Variants in WDFY2 observed in about 807,000 individuals in gnomAD.
WDFY2 encodes the protein WD repeat and FYVE domain containing 2.
In WDFY2, 36 loss-of-function variants were observed where a neutral mutation model predicts 56.4. The ratio of observed to expected loss-of-function variants is 0.64; its 90% CI spans 0.49 to 0.84. The LOEUF is 0.84. WDFY2 is among the 40% of genes least tolerant of loss of function. The pLI is 0.00. For synonymous variants in WDFY2, 176 were observed against 183.7 expected (o/e 0.96, Z 0.34); for missense variants, 444 against 512.2 (o/e 0.87, Z 1.29).
intron 3 of WDFY2, among the ~76,000 whole-genome samples, chr13:51,698,154 A>G (rs1951914945): frequency 6.6e-6 from 1 of 152,204 alleles, no homozygotes; most frequent in South Asian, 2.1e-4. Context: ...CCAGTGCCCA[A>G]GCTCTTAAGC....
intron 5 of WDFY2, among the ~76,000 whole-genome samples, 154 bp from the exon 6 acceptor site, chr13:51,727,524 C>A (rs1362234792): frequency 6.6e-6 from 1 of 152,188 alleles, no homozygotes; most frequent in African/African-American, 2.4e-5. Context: ...GTATGTCCTT[C>A]ATTTAGTTAA....
In WDFY2 at chr13:51,761,093, T is replaced by C. The variant is rs994381804; in HGVS notation, c.*1324T>C. ...ATTCTATCCCTTTAAAAACTAGATA[T>C]TTAAACATTTTATCCTAATGTGTTT... On this transcript the variant is annotated 3_prime_UTR_variant, in exon 12 of 12. Coordinates refer to ENST00000298125, the MANE Select transcript of WDFY2 (RefSeq NM_052950.4). The C allele has an allele frequency of 6.6e-6, 1 of 152,240 alleles. No homozygotes were observed. The highest frequency in any genetic ancestry group is 2.4e-5 in the African/African-American group (1 of 41,466). The allele number at this position is 152,240 out of a possible 1,614,324, so 9.4% of individuals were successfully genotyped here.
chr13:51,710,609 T>C (rs1334219358), intron 4 of WDFY2, among the ~76,000 whole-genome samples: 1 of 152,130 alleles, frequency 6.6e-6, no homozygotes, highest in Non-Finnish European at 1.5e-5. Context: ...ACAAAATAAA[T>C]GTGCAAAAAT....
chr13:51,629,943 C>T (rs1027338703), intron 1 of WDFY2, among the ~76,000 whole-genome samples: 22 of 151,420 alleles, frequency 1.5e-4, no homozygotes, highest in African/African-American at 5.1e-4. Flanking sequence ...TTGGAGCAAC[C>T]ACTAATGTTA....
At chr13:51,703,013 C>T (rs1952016002) in intron 3 of WDFY2, among the ~76,000 whole-genome samples, 1 of 152,224 alleles carries the variant, frequency 6.6e-6, no homozygotes, top group Non-Finnish European at 1.5e-5. Context: ...CTGATTTTTT[C>T]AGTAAATTTG....
At chr13:51,647,596 A>T (rs1955285146) in intron 1 of WDFY2, among the ~76,000 whole-genome samples, 1 of 152,072 alleles carries the variant, frequency 6.6e-6, no homozygotes, top group Non-Finnish European at 1.5e-5. Context: ...TCTCTATAAA[A>T]TTTTTTAAAA....
At chr13:51,601,234 GC>G (rs1328479497) in intron 1 of WDFY2, among the ~76,000 whole-genome samples, 1 of 152,100 alleles carries the variant, frequency 6.6e-6, no homozygotes, top group Non-Finnish European at 1.5e-5. Flanking sequence ...AGACTGCCAA[GC>G]ATATATGGGC....
At chr13:51,731,628 G>A (rs1274124716) in intron 6 of WDFY2, among the ~76,000 whole-genome samples, 1 of 152,210 alleles carries the variant, frequency 6.6e-6, no homozygotes, top group Non-Finnish European at 1.5e-5. Flanking sequence ...CTTTAAGAGA[G>A]TCCATGGTGA....
intron 4 of WDFY2, among the ~76,000 whole-genome samples, chr13:51,705,052 T>A (rs1952055115): frequency 6.6e-6 from 1 of 152,236 alleles, no homozygotes; most frequent in Admixed American, 6.5e-5. Flanking sequence ...TCTGTGCTTT[T>A]GTGTGCTTGC....
chr13:51,715,624 A>T (rs1005252630), intron 4 of WDFY2, among the ~76,000 whole-genome samples: 1 of 152,202 alleles, frequency 6.6e-6, no homozygotes, highest in Admixed American at 6.5e-5. Context: ...AAATATATAT[A>T]TAAATAGAAG....
intron 3 of WDFY2, among the ~76,000 whole-genome samples, chr13:51,686,638 C>T (rs1281960833): frequency 6.6e-6 from 1 of 151,804 alleles, no homozygotes; most frequent in African/African-American, 2.4e-5. Context: ...ATGTTCAGGA[C>T]TGAAAATATA....
chr13:51,613,547 C>T (rs569287198), intron 1 of WDFY2, among the ~76,000 whole-genome samples: 126 of 152,230 alleles, frequency 8.3e-4, no homozygotes, highest in Middle Eastern at 6.8e-3. Flanking sequence ...GTGGGTCTTT[C>T]CCTGGGCACA....
At chr13:51,597,199 T>G (rs570135613) in intron 1 of WDFY2, among the ~76,000 whole-genome samples, 58 of 152,250 alleles carry the variant, frequency 3.8e-4, no homozygotes, top group Non-Finnish European at 8.1e-4. Context: ...CTGTATACTA[T>G]ATACCAAGTT....
chr13:51,624,748 G>C (rs1292140616), intron 1 of WDFY2, among the ~76,000 whole-genome samples: 5 of 152,218 alleles, frequency 3.3e-5, no homozygotes, highest in African/African-American at 1.2e-4. Flanking sequence ...ACTTCTCACA[G>C]AGGCAACATC....
intron 3 of WDFY2, among the ~76,000 whole-genome samples, chr13:51,694,933 G>C (rs1183038674): frequency 3.3e-5 from 5 of 151,742 alleles, no homozygotes; most frequent in African/African-American, 7.3e-5. Context: ...TCATTCATTT[G>C]ATCTTCCATC....
At chr13:51,628,523 G>A (rs965279359) in intron 1 of WDFY2, among the ~76,000 whole-genome samples, 5 of 152,124 alleles carry the variant, frequency 3.3e-5, no homozygotes, top group African/African-American at 4.8e-5. Flanking sequence ...CAGGAGCACC[G>A]GTTTCCCATC....
At chr13:51,745,459 G>A (rs1953072911) in intron 7 of WDFY2, among the ~76,000 whole-genome samples, 1 of 152,150 alleles carries the variant, frequency 6.6e-6, no homozygotes, top group African/African-American at 2.4e-5. Flanking sequence ...CATGGGCAGG[G>A]TGGAGTGTGG....
chr13:51,711,887 C>T (rs1371304540), intron 4 of WDFY2, among the ~76,000 whole-genome samples: 1 of 152,160 alleles, frequency 6.6e-6, no homozygotes, highest in African/African-American at 2.4e-5. Context: ...TGTGGCGATT[C>T]CTCAAGGATC....
At position 51,767,356 on chromosome 13, in the gene WDFY2, T is replaced by A. The variant is rs1387355415; in HGVS notation, c.*7587T>A. On this transcript the variant is annotated 3_prime_UTR_variant, in exon 12 of 12. Coordinates refer to ENST00000298125, the MANE Select transcript of WDFY2 (RefSeq NM_052950.4). ...CCTCCTTTTGTCAGAAAGACGCTGA[T>A]GTTTCAGGCTGGCACACCCAGAAAA... 6.6e-6 allele frequency: 1 copy of A among 152,238 alleles called. No homozygotes were observed. Among genetic ancestry groups the A allele is most frequent in the Non-Finnish European group, 1.5e-5 (1 of 68,050 alleles). The allele number at this position is 152,238 out of a possible 1,614,324, so 9.4% of individuals were successfully genotyped here.
Sources: allele counts gnomAD v4.1 joint callset (sites outside exome capture counted in the v4.1 genomes callset), GRCh38; gene constraint gnomAD v4.1.1; transcripts MANE v1.5; gene names NCBI Gene and HGNC (gene_info 2026-07-23, HGNC 2026-07-21).